Variants in RGSL1 observed in about 807,000 individuals in gnomAD.
The protein encoded by RGSL1 is regulator of G protein signaling like 1.
RGSL1 carries 97 observed loss-of-function variants against 124.7 expected under a neutral mutation model. That is an observed-to-expected ratio of 0.78 (90% confidence interval 0.66 to 0.92). RGSL1 has a LOEUF of 0.92. RGSL1 is among the 40% of genes least tolerant of loss of function. The probability of loss-of-function intolerance (pLI) is 0.00; values close to 1 mark genes in which losing one functional copy is unlikely to be tolerated. For missense variants in RGSL1, 1,233 were observed against 1,288.4 expected (o/e 0.96, Z 0.66); for synonymous variants, 424 against 438.1 (o/e 0.97, Z 0.40).
At chr1:182,455,357 G>T (rs983640043) in intron 2 of RGSL1, among the ~76,000 whole-genome samples, 2 of 152,164 alleles carry the variant, frequency 1.3e-5, no homozygotes, top group Non-Finnish European at 2.9e-5. Flanking sequence ...CAAGGTGGGG[G>T]GATCACCTGA....
Position 182,532,648 on chromosome 1 carries a change from C to T in RGSL1, c.2365-14C>T, listed in dbSNP as rs1007942013. ...ATACTAATGAACATGTTATACTCCTCTTTCTTTCCCCAGAAGAAAGGCTGG... is the reference window on the plus strand; with the variant it reads ...ATACTAATGAACATGTTATACTCCTTTTTCTTTCCCCAGAAGAAAGGCTGG... On this transcript the variant is annotated splice_polypyrimidine_tract_variant and intron_variant, in intron 13 of 21. Transcript: ENST00000294854. 8 of 1,549,624 alleles carry T rather than the reference C, an allele frequency of 5.2e-6. No homozygotes were observed. Among genetic ancestry groups the T allele is most frequent in the Non-Finnish European group, 7.0e-6 (8 of 1,145,786 alleles).
chr1:182,469,914 A>G (rs1653683651), intron 4 of RGSL1, among the ~76,000 whole-genome samples: 1 of 152,186 alleles, frequency 6.6e-6, no homozygotes, highest in Non-Finnish European at 1.5e-5. Flanking sequence ...ACAGAAAGAC[A>G]AATACTGTAT....
At chr1:182,556,363 C>A in intron 21 of RGSL1, 141 bp downstream of exon 21, 1 of 347,502 alleles carries the variant, frequency 2.9e-6, no homozygotes, top group Non-Finnish European at 5.2e-6. Context: ...AATCCCATGA[C>A]AAATGGATGT....
At chr1:182,508,290 G>GTTTTTTTTTTTT (rs58641894) in intron 9 of RGSL1, among the ~76,000 whole-genome samples, 1 of 53,784 alleles carries the variant, frequency 1.9e-5, no homozygotes, top group Non-Finnish European at 3.1e-5. Flanking sequence ...TGGTGGTGGT[G>GTTTTTTTTTTTT]TTTTTTTTTT....
rs566670872 is a variant in RGSL1, at chr1:182,553,454, G to A, written c.3044-1G>A. ...TAATGCTTGTTTTTGTCCTTCCCCA[G>A]GAGACAATGCCATCTTAAGGTTCAC... On this transcript the variant is annotated splice_acceptor_variant, in intron 18 of 21. Transcript: ENST00000294854. LOFTEE classifies it high-confidence loss of function. The A allele has an allele frequency of 6.4e-7, 1 of 1,551,540 alleles. No homozygotes were observed. Among genetic ancestry groups the A allele is most frequent in the South Asian group, 1.2e-5 (1 of 83,964 alleles).
chr1:182,559,365 T>G (rs770741067), intron 21 of RGSL1, among the ~76,000 whole-genome samples: 15 of 152,114 alleles, frequency 9.9e-5, no homozygotes, highest in East Asian at 1.9e-4. Context: ...CTCAACTCAT[T>G]CCTCTGCCTC....
chr1:182,534,581 A>C (rs1339523936), intron 14 of RGSL1, among the ~76,000 whole-genome samples: 6 of 152,248 alleles, frequency 3.9e-5, no homozygotes, highest in Admixed American at 3.9e-4. Flanking sequence ...TAATCTCAGT[A>C]GTTTGGTAGG....
At position 182,503,781 on chromosome 1, in the gene RGSL1, G is replaced by A. The variant is rs1029795525; in HGVS notation, c.1825+10652G>A. Reference sequence around the variant, plus strand: ...TAATTGGATTGTTTGTAACACAAAGGATAAATGCTTGAGTGGATGGATACT... The same window carrying A: ...TAATTGGATTGTTTGTAACACAAAGAATAAATGCTTGAGTGGATGGATACT... On this transcript the variant is annotated intron_variant, in intron 9 of 21. Coordinates refer to ENST00000294854, the MANE Select transcript of RGSL1 (RefSeq NM_001137669.2). Among the ~76,000 whole-genome samples the A allele has an allele frequency of 7.2e-5, 11 of 152,174 alleles. No homozygotes were observed. In the South Asian group the frequency reaches 1.2e-3, roughly 17 times the overall value.
At chr1:182,456,865 A>G (rs1652375948) in intron 2 of RGSL1, among the ~76,000 whole-genome samples, 3 of 152,232 alleles carry the variant, frequency 2.0e-5, no homozygotes, top group Middle Eastern at 6.8e-3. Flanking sequence ...TTACCAACGG[A>G]TCTCAGAAGT....
chr1:182,450,276 G>A, intron 1 of RGSL1, 98 bp downstream of exon 1: 2 of 1,376,836 alleles, frequency 1.5e-6, no homozygotes, highest in Non-Finnish European at 1.0e-6. Flanking sequence ...CCATTCAGGG[G>A]CACCATGGGT....
At chr1:182,474,597 CT>C in intron 6 of RGSL1, 55 bp downstream of exon 6, 2 of 1,476,210 alleles carry the variant, frequency 1.4e-6, no homozygotes, top group Non-Finnish European at 1.8e-6. Context: ...TCAAAACTGA[CT>C]AAAAATCCCA....
chr1:182,497,413 TTA>T (rs552519480), intron 9 of RGSL1, among the ~76,000 whole-genome samples: 90 of 150,760 alleles, frequency 6.0e-4, no homozygotes, highest in South Asian at 2.5e-3. Flanking sequence ...GACAGATATA[TTA>T]TATATCTGAA....
chr1:182,488,260 T>C (rs1655244508), intron 6 of RGSL1, 25 bp from the exon 7 acceptor site: 2 of 1,549,122 alleles, frequency 1.3e-6, no homozygotes, highest in Admixed American at 2.0e-5. Context: ...CACCTCATAA[T>C]GCATATGCTG....
rs1659536851 is a variant in RGSL1, at chr1:182,536,335, GT to G, written c.2494+3545del. Among the ~76,000 whole-genome samples the G allele has an allele frequency of 2.0e-5, 3 of 152,132 alleles. No homozygotes were observed. The South Asian group carries it at 6.2e-4, about 31-fold the overall frequency. On this transcript the variant is annotated intron_variant, in intron 14 of 21. Coordinates refer to ENST00000294854, the MANE Select transcript of RGSL1 (RefSeq NM_001137669.2). Reference sequence around the variant, plus strand: ...TCTGAAAGTAGAAATGCTGGGTTATGTGGTAAGTATATGTTAAACTTTATAA... The same window carrying G: ...TCTGAAAGTAGAAATGCTGGGTTATGGGTAAGTATATGTTAAACTTTATAA...
In RGSL1 at chr1:182,527,696, A is replaced by G; in HGVS notation, c.2049A>G (p.Ile683Met). 1.3e-6 allele frequency: 2 copies of G among 1,551,372 alleles called. No individual in the cohort carries two copies. The highest frequency in any genetic ancestry group is 1.7e-6 in the Non-Finnish European group (2 of 1,146,704). ...QFLTAVQKIS[I>M]ETNEKICKSL... ...TCACAGCTGTACAGAAGATCAGTAT[A>G]GAGACCAATGAAAAGATTTGCAAGT... Residue 683 changes from isoleucine (I) to methionine (M), a missense_variant, in exon 11 of 22, where the codon ATA becomes ATG. Ile to Met is a conservative substitution (Grantham distance 10, BLOSUM62 1). Transcript: ENST00000294854.
intron 9 of RGSL1, among the ~76,000 whole-genome samples, chr1:182,499,796 G>T (rs1365514658): frequency 1.3e-5 from 2 of 152,112 alleles, no homozygotes; most frequent in African/African-American, 4.8e-5. Flanking sequence ...TGCTTTTGTG[G>T]TAGTCAATAA....
intron 20 of RGSL1, chr1:182,555,705 C>T (rs1660825837): frequency 8.7e-6 from 3 of 344,674 alleles, no homozygotes; most frequent in Non-Finnish European, 1.6e-5. Context: ...CAAGTCACTT[C>T]TCAGGCCTGT....
intron 15 of RGSL1, among the ~76,000 whole-genome samples, chr1:182,544,949 A>G (rs1422685900): frequency 6.6e-6 from 1 of 152,054 alleles, no homozygotes; most frequent in East Asian, 1.9e-4. Flanking sequence ...CCATTCAGCC[A>G]CTATATGTCT....
chr1:182,464,694 A>T (rs1378758005), intron 4 of RGSL1, among the ~76,000 whole-genome samples: 1 of 151,832 alleles, frequency 6.6e-6, no homozygotes, highest in Non-Finnish European at 1.5e-5. Flanking sequence ...ATTGCACTCT[A>T]GCCTAGCTGA....
Sources: gnomAD v4.1 joint callset for allele counts (sites outside exome capture counted in the v4.1 genomes callset) on GRCh38, gnomAD v4.1.1 for gene constraint, MANE v1.5 for transcripts, NCBI Gene and HGNC (gene_info 2026-07-23, HGNC 2026-07-21) for gene names.